Variants in AKAP6 observed in about 807,000 individuals in gnomAD.
The protein encoded by AKAP6 is A-kinase anchor protein 6.
AKAP6 carries 58 observed loss-of-function variants against 188.5 expected under a neutral mutation model. The ratio of observed to expected loss-of-function variants is 0.31; its 90% CI spans 0.25 to 0.38. The LOEUF is 0.38. Among genes scored for constraint, AKAP6 ranks in the 10% least tolerant of loss-of-function variants. The pLI is 1.00. For synonymous variants in AKAP6, 989 were observed against 998.6 expected (o/e 0.99, Z 0.18); for missense variants, 2,710 against 2,740.0 (o/e 0.99, Z 0.24).
At chr14:32,536,243 G>A (rs1214493411) in intron 3 of AKAP6, among the ~76,000 whole-genome samples, 1 of 152,198 alleles carries the variant, frequency 6.6e-6, no homozygotes, top group East Asian at 1.9e-4. Context: ...GCCATTGGAG[G>A]ACAGAGAAAG....
At chr14:32,813,424 G>A (rs1255444148) in intron 12 of AKAP6, among the ~76,000 whole-genome samples, 7 of 116,810 alleles carry the variant, frequency 6.0e-5, no homozygotes, top group Admixed American at 1.3e-4. Flanking sequence ...GAGGTCCTTC[G>A]GTGGAGCTGA....
chr14:32,466,351 A>G (rs1878429881), intron 2 of AKAP6, among the ~76,000 whole-genome samples: 1 of 152,220 alleles, frequency 6.6e-6, no homozygotes, highest in African/African-American at 2.4e-5. Context: ...GATAGGCTGG[A>G]TAAAGAATAT....
chr14:32,559,783 C>CTTTTTTT (rs35914295), intron 4 of AKAP6, among the ~76,000 whole-genome samples: 4 of 119,078 alleles, frequency 3.4e-5, no homozygotes, highest in African/African-American at 1.2e-4. Flanking sequence ...TAAGCCTAAT[C>CTTTTTTT]TTTTTTTTTT....
At chr14:32,461,102 AG>A (rs974131059) in intron 2 of AKAP6, among the ~76,000 whole-genome samples, 1 of 152,244 alleles carries the variant, frequency 6.6e-6, no homozygotes, top group African/African-American at 2.4e-5. Context: ...CCTGGGACAG[AG>A]CACCTGGGGG....
chr14:32,538,307 G>A (rs1358839577), intron 3 of AKAP6, among the ~76,000 whole-genome samples: 1 of 152,018 alleles, frequency 6.6e-6, no homozygotes, highest in Non-Finnish European at 1.5e-5. Context: ...AAGATTTGTA[G>A]AATGATGAGG....
chr14:32,742,863 CT>C (rs1414282511), intron 11 of AKAP6, among the ~76,000 whole-genome samples: 1 of 152,028 alleles, frequency 6.6e-6, no homozygotes, highest in Non-Finnish European at 1.5e-5. Context: ...ATGAAAAGTT[CT>C]GAAAATATCT....
intron 1 of AKAP6, among the ~76,000 whole-genome samples, chr14:32,342,662 A>G (rs1399721670): frequency 1.3e-5 from 2 of 152,216 alleles, no homozygotes; most frequent in African/African-American, 4.8e-5. Flanking sequence ...TCAAGTATCC[A>G]GTGTAGCTAG....
chr14:32,570,688 A>G (rs532084327), intron 4 of AKAP6, among the ~76,000 whole-genome samples: 1 of 152,306 alleles, frequency 6.6e-6, no homozygotes, highest in South Asian at 2.1e-4. Flanking sequence ...TGAAGAAACT[A>G]ATGTTCAGAG....
intron 1 of AKAP6, among the ~76,000 whole-genome samples, chr14:32,350,339 A>G (rs1307384769): frequency 1.3e-5 from 2 of 152,236 alleles, no homozygotes; most frequent in Admixed American, 6.5e-5. Context: ...TCAAATATCC[A>G]TAATTCATTT....
intron 11 of AKAP6, among the ~76,000 whole-genome samples, chr14:32,746,045 G>A (rs905093201): frequency 6.6e-6 from 1 of 152,088 alleles, no homozygotes; most frequent in African/African-American, 2.4e-5. Context: ...TGCCTGGCCT[G>A]GGACTCACCT....
chr14:32,621,358 G>A (rs1886809915), intron 7 of AKAP6, among the ~76,000 whole-genome samples: 1 of 151,778 alleles, frequency 6.6e-6, no homozygotes. Context: ...GTATCCCAGA[G>A]GTTTTTATAA....
At chr14:32,526,051 A>G (rs1256564069) in intron 2 of AKAP6, among the ~76,000 whole-genome samples, 1 of 152,028 alleles carries the variant, frequency 6.6e-6, no homozygotes, top group Non-Finnish European at 1.5e-5. Flanking sequence ...GCGCTCCATT[A>G]TGGTCATTCT....
chr14:32,598,226 A>G (rs1229564262), intron 5 of AKAP6, among the ~76,000 whole-genome samples: 3 of 152,234 alleles, frequency 2.0e-5, no homozygotes, highest in African/African-American at 7.2e-5. Flanking sequence ...AGTACAGTGC[A>G]GTGCAGACCT....
intron 12 of AKAP6, among the ~76,000 whole-genome samples, chr14:32,784,263 TC>T (rs2033337502): frequency 6.6e-6 from 1 of 152,194 alleles, no homozygotes; most frequent in African/African-American, 2.4e-5. Context: ...CCATGGGAAT[TC>T]TTATTAAATT....
At chr14:32,682,942 C>A (rs1272134123) in intron 8 of AKAP6, among the ~76,000 whole-genome samples, 1 of 151,806 alleles carries the variant, frequency 6.6e-6, no homozygotes, top group Non-Finnish European at 1.5e-5. Flanking sequence ...TGGAGACCAG[C>A]AATCTTTGTT....
intron 13 of AKAP6, among the ~76,000 whole-genome samples, chr14:32,826,932 C>G (rs544764624): frequency 6.3e-4 from 96 of 152,206 alleles, no homozygotes; most frequent in African/African-American, 2.2e-3. Context: ...ACATCGCCCC[C>G]AAGTGACTTG....
intron 7 of AKAP6, chr14:32,628,208 G>A (rs1887105723): frequency 6.6e-6 from 1 of 152,090 alleles, no homozygotes. Context: ...AAGGAGGTCA[G>A]TTATCTGGTG....
chr14:32,804,870 TC>T (rs762101526), intron 12 of AKAP6, among the ~76,000 whole-genome samples: 12 of 152,062 alleles, frequency 7.9e-5, no homozygotes, highest in Non-Finnish European at 1.8e-4. Context: ...AGAGATATCT[TC>T]CCTACTTGCA....
Position 32,530,014 on chromosome 14 carries a change from G to GT in AKAP6, c.325-5531dup, listed in dbSNP as rs377359714. On this transcript the variant is annotated intron_variant, in intron 2 of 13. Coordinates refer to ENST00000280979, the MANE Select transcript of AKAP6 (RefSeq NM_004274.5). ...GGAGACAGGTTCTTGCTTTAAGACA[G>GT]TTTTTTTTTGGAGACAGGTTCTTGC... is the stretch of plus-strand genomic sequence containing the variant. Among the ~76,000 whole-genome samples the GT allele has an allele frequency of 5.3e-4, 35 of 66,604 alleles. 1 individual carries two copies. Among genetic ancestry groups the GT allele is most frequent in the Admixed American group, 7.6e-4 (4 of 5,252 alleles). 43.7% of individuals were successfully genotyped at this position (66,604 alleles called of 152,430 possible).
Sources: allele counts gnomAD v4.1 joint callset (sites outside exome capture counted in the v4.1 genomes callset), GRCh38; gene constraint gnomAD v4.1.1; transcripts MANE v1.5; gene names NCBI Gene and HGNC (gene_info 2026-07-23, HGNC 2026-07-21).